Variants in ZFX observed in about 807,000 individuals in gnomAD.
ZFX encodes zinc finger X-chromosomal protein.
For synonymous variants in ZFX, 196 were observed against 226.8 expected (o/e 0.86, Z 1.22); for missense variants, 362 against 628.3 (o/e 0.58, Z 4.53).
intron 3 of ZFX, among the ~76,000 whole-genome samples, chrX:24,166,289 G>C (rs1933990847): frequency 8.9e-6 from 1 of 111,899 alleles, no homozygotes; most frequent in African/African-American, 3.2e-5. Context: ...TTACTGATTG[G>C]CTCAGCGTGG....
intron 5 of ZFX, among the ~76,000 whole-genome samples, chrX:24,199,118 T>G (rs761497665): frequency 5.2e-4 from 58 of 111,137 alleles, no homozygotes; most frequent in African/African-American, 1.8e-3. Flanking sequence ...GGGAGCCAAG[T>G]GAGGAAAGTA....
At chrX:24,182,397 A>G (rs1850703436) in intron 5 of ZFX, among the ~76,000 whole-genome samples, 2 of 111,691 alleles carry the variant, frequency 1.8e-5, no homozygotes, top group African/African-American at 3.3e-5. Context: ...TTTAAGAAGT[A>G]GGCAGAAAAG....
At position 24,176,200 on chromosome X, in the gene ZFX, C is replaced by T. The variant is rs765928723; in HGVS notation, c.59-2983C>T. 4.1e-4 allele frequency among the ~76,000 whole-genome samples: 43 copies of T among 105,574 alleles called. 1 individual carries two copies. The East Asian group carries it at 8.4e-3, about 21-fold the overall frequency. The allele number at this position is 105,574 out of a possible 115,157, so 91.7% of individuals were successfully genotyped here. A position where few individuals can be genotyped will look rare whatever the true frequency, so the allele number is the denominator to read the frequency against. Reference sequence around the variant, plus strand: ...GATTACAGGCATGCGCCACCATGTCCGGCTAATTTTGTATTTTTAGTAGAG... The same window carrying T: ...GATTACAGGCATGCGCCACCATGTCTGGCTAATTTTGTATTTTTAGTAGAG... On this transcript the variant is annotated intron_variant, in intron 4 of 9. Transcript: ENST00000304543.
chrX:24,209,694 A>G (rs1005400436), intron 9 of ZFX, among the ~76,000 whole-genome samples: 30 of 110,364 alleles, frequency 2.7e-4, no homozygotes, highest in African/African-American at 9.9e-4. Context: ...TCCTGCCTCA[A>G]CCTTCCAAGC....
In ZFX at chrX:24,210,529, G is replaced by A. The variant is rs1938004911; in HGVS notation, c.1571G>A (p.Cys524Tyr). The A allele has an allele frequency of 8.3e-7, 1 of 1,210,130 alleles. No homozygotes were observed. The highest frequency in any genetic ancestry group is 1.1e-6 in the Non-Finnish European group (1 of 895,392). ...GANKMHKCKF[C>Y]EYETAEQGLL... ...AACAAAATGCACAAGTGTAAATTCT[G>A]TGAATACGAGACAGCTGAACAAGGG... The change falls in exon 10 of 10, where the codon TGT (cysteine) becomes TAT (tyrosine). Residue 524 changes from cysteine to tyrosine, a missense_variant. Physicochemically the swap from Cys to Tyr is radical, Grantham distance 194 (BLOSUM62 -2). Transcript: ENST00000304543.
At chrX:24,206,622 A>T (rs1937604241) in intron 5 of ZFX, among the ~76,000 whole-genome samples, 1 of 105,238 alleles carries the variant, frequency 9.5e-6, no homozygotes, top group African/African-American at 3.5e-5. Context: ...CCTGGTCTCA[A>T]GTGATCCACC....
chrX:24,188,953 T>C (rs1246818769), intron 5 of ZFX, among the ~76,000 whole-genome samples: 1 of 111,250 alleles, frequency 9.0e-6, no homozygotes, highest in Admixed American at 9.6e-5. Flanking sequence ...TTCTACTGCC[T>C]CAGCCTCCCG....
chrX:24,179,554 G>T lies in ZFX; in HGVS notation c.430G>T (p.Val144Phe). The T allele has an allele frequency of 8.3e-7, 1 of 1,209,927 alleles. No individual in the cohort carries two copies. Among genetic ancestry groups the T allele is most frequent in the Non-Finnish European group, 1.1e-6 (1 of 894,823 alleles). Residue 144 changes from valine (V) to phenylalanine (F), a missense_variant, in exon 5 of 10, where the codon GTT (valine) becomes TTT (phenylalanine). By Grantham distance (50) the Val-to-Phe change is conservative. Transcript: ENST00000304543. ...GGGTGATTCTATACATGTGTCTGAC[G>T]TTGGACATGTTGGACATGTTGGACA... ...LTGDSIHVSD[V>F]GHVGHVGHVE...
Position 24,180,243 on chromosome X carries a change from A to AG in ZFX, c.646+474dup, listed in dbSNP as rs1935561833. ...CAAGACTCCTTCTCAAAAAAAAAAA[A>AG]GCTGAAACAAACAGAACTGAACTTT... On this transcript the variant is annotated intron_variant, in intron 5 of 9. Coordinates refer to ENST00000304543, the MANE Select transcript of ZFX (RefSeq NM_003410.4). Among the ~76,000 whole-genome samples the AG allele has an allele frequency of 6.3e-5, 7 of 110,779 alleles. No homozygotes were observed. The South Asian group carries it at 2.7e-3, about 42-fold the overall frequency.
intron 5 of ZFX, among the ~76,000 whole-genome samples, chrX:24,186,779 C>T (rs745706376): frequency 1.8e-5 from 2 of 111,709 alleles, no homozygotes; most frequent in Admixed American, 9.5e-5. Context: ...CTGCCTTCTT[C>T]AGTCTTTGCA....
At chrX:24,208,733 G>A (rs950990687) in intron 8 of ZFX, among the ~76,000 whole-genome samples, 167 bp from the exon 9 acceptor site, 7 of 111,422 alleles carry the variant, frequency 6.3e-5, no homozygotes, top group South Asian at 3.8e-4. Context: ...CGTTTCCTAC[G>A]GTCTCGCGAT....
intron 3 of ZFX, among the ~76,000 whole-genome samples, chrX:24,168,376 A>C (rs1934206098): frequency 8.9e-6 from 1 of 112,075 alleles, no homozygotes; most frequent in Admixed American, 9.5e-5. Context: ...TAGCTGCAAA[A>C]AGCAAAGTGA....
At chrX:24,149,361 C>A (rs1281088991), upstream of ZFX, 1 of 109,844 alleles carries the variant, frequency 9.1e-6, no homozygotes. Context: ...CGGCCCCGCG[C>A]GGGCTTTACG....
At chrX:24,150,186 G>T (rs1207111700) in intron 1 of ZFX, 8 of 101,633 alleles carry the variant, frequency 7.9e-5, no homozygotes, top group Non-Finnish European at 1.6e-4. Flanking sequence ...CGGTGAGGGG[G>T]GGGGAGGGAC....
chrX:24,188,749 G>A (rs916055702), intron 5 of ZFX, among the ~76,000 whole-genome samples: 23 of 112,131 alleles, frequency 2.1e-4, no homozygotes, highest in African/African-American at 6.5e-4. Flanking sequence ...CAGGCGCAAG[G>A]TAAGAGCGAA....
In ZFX at chrX:24,156,674, A is replaced by G. The variant is rs867314767; in HGVS notation, c.-29+3844A>G. ...TTAATAATAGCCTTTTTTTTTTTGGAGACGGAGTTTTGCTCTGTCGCCCAG... is the reference window on the plus strand; with the variant it reads ...TTAATAATAGCCTTTTTTTTTTTGGGGACGGAGTTTTGCTCTGTCGCCCAG... On this transcript the variant is annotated intron_variant, in intron 3 of 9. Transcript: ENST00000304543. 1.1e-4 allele frequency among the ~76,000 whole-genome samples: 4 copies of G among 35,243 alleles called. No homozygotes were observed. In the African/African-American group the frequency reaches 1.2e-3, roughly 11 times the overall value. The allele number at this position is 35,243 out of a possible 115,157, so 30.6% of individuals were successfully genotyped here.
At chrX:24,151,664 ATTTAC>A (rs1216692543) in intron 1 of ZFX, 22 bp from the exon 2 acceptor site, 1 of 110,698 alleles carries the variant, frequency 9.0e-6, no homozygotes, top group Non-Finnish European at 1.9e-5. Flanking sequence ...GCACCTTGTT[ATTTAC>A]TTATTTTTTA....
chrX:24,196,952 A>T (rs1328537958), intron 5 of ZFX, among the ~76,000 whole-genome samples: 1 of 111,967 alleles, frequency 8.9e-6, no homozygotes, highest in Non-Finnish European at 1.9e-5. Context: ...GAGCCCTTTG[A>T]ATTTGGAGAT....
At chrX:24,179,884 A>G in intron 5 of ZFX, 114 bp downstream of exon 5, 1 of 671,681 alleles carries the variant, frequency 1.5e-6, no homozygotes, top group Non-Finnish European at 2.2e-6. Flanking sequence ...AATCTCATAG[A>G]CCTACCTGCA....
Sources: gnomAD v4.1 joint callset for allele counts (sites outside exome capture counted in the v4.1 genomes callset) on GRCh38, gnomAD v4.1.1 for gene constraint, MANE v1.5 for transcripts, NCBI Gene and HGNC (gene_info 2026-07-23, HGNC 2026-07-21) for gene names.